ERICH3: variants seen among roughly 807,000 people sequenced by gnomAD.
ERICH3 encodes glutamate rich 3, also known as glutamate-rich protein 3.
In ERICH3, 126 loss-of-function variants were observed where a neutral mutation model predicts 131.1. The observed-to-expected ratio is 0.96, with a 90% CI of 0.83 to 1.11. The LOEUF (loss-of-function observed/expected upper bound fraction) is 1.11. ERICH3 is among the 50% of genes most tolerant of loss of function. The pLI, the probability that ERICH3 is intolerant of heterozygous loss-of-function variation, is 0.00. For synonymous variants in ERICH3, 695 were observed against 644.6 expected (o/e 1.08, Z -1.18); for missense variants, 2,050 against 1,810.7 (o/e 1.13, Z -2.40).
At position 74,606,685 on chromosome 1, in the gene ERICH3, C is replaced by A. The variant is rs1317412666; in HGVS notation, c.1405G>T (p.Val469Leu). ...QEIKTGLKEV[V>L]TAVEEMTSKG... ...CTTGTCATTTCCTCCACAGCAGTTA[C>A]CACTTCTTTGAGCCCTGTTTTTATT... The change falls in exon 10 of 15, where the codon GTA (valine) becomes TTA (leucine). Residue 469 changes from valine to leucine, a missense_variant. Transcript: ENST00000326665. 2 of 1,612,762 alleles carry A rather than the reference C, an allele frequency of 1.2e-6. No homozygotes were observed. The highest frequency in any genetic ancestry group is 2.7e-5 in the African/African-American group (2 of 74,800).
intron 1 of ERICH3, among the ~76,000 whole-genome samples, chr1:74,652,779 T>C (rs572574563): frequency 6.6e-6 from 1 of 152,240 alleles, no homozygotes; most frequent in South Asian, 2.1e-4. Flanking sequence ...GCAGGCTATG[T>C]TGTCATGCCA....
At chr1:74,621,958 A>C (rs571273673) in intron 7 of ERICH3, 1 of 152,312 alleles carries the variant, frequency 6.6e-6, no homozygotes, top group Non-Finnish European at 1.5e-5. Context: ...ATCAATTTTA[A>C]GCTAGACAAA....
intron 10 of ERICH3, among the ~76,000 whole-genome samples, chr1:74,601,889 G>A (rs754749332): frequency 2.4e-4 from 37 of 151,798 alleles, no homozygotes; most frequent in Admixed American, 6.6e-4. Flanking sequence ...GTAATACAAC[G>A]CTATGGTGAG....
intron 12 of ERICH3, among the ~76,000 whole-genome samples, chr1:74,585,539 A>G (rs2100553796): frequency 6.6e-6 from 1 of 152,296 alleles, no homozygotes; most frequent in African/African-American, 2.4e-5. Context: ...AAATTAAATC[A>G]TGTTAGCTTA....
At chr1:74,637,618 A>C (rs1006114057) in intron 5 of ERICH3, among the ~76,000 whole-genome samples, 1 of 152,282 alleles carries the variant, frequency 6.6e-6, no homozygotes, top group African/African-American at 2.4e-5. Flanking sequence ...TTGTTAGTTT[A>C]GTATAAAGAT....
At chr1:74,621,994 G>A (rs940909820) in intron 7 of ERICH3, 1 of 152,136 alleles carries the variant, frequency 6.6e-6, no homozygotes, top group Non-Finnish European at 1.5e-5. Context: ...AACTTTAAGT[G>A]GATCCAAGGC....
At chr1:74,579,137 C>T (rs1316619004) in intron 12 of ERICH3, among the ~76,000 whole-genome samples, 6 of 152,010 alleles carry the variant, frequency 3.9e-5, no homozygotes, top group Admixed American at 1.3e-4. Flanking sequence ...AGTTAAATAT[C>T]ATTTTACTAT....
At chr1:74,644,127 T>A (rs1646460261) in intron 3 of ERICH3, among the ~76,000 whole-genome samples, 1 of 151,962 alleles carries the variant, frequency 6.6e-6, no homozygotes, top group African/African-American at 2.4e-5. Context: ...TTTGAAAAAA[T>A]GTTTCCCCTC....
intron 6 of ERICH3, chr1:74,634,783 T>C (rs750571519): frequency 8.4e-5 from 54 of 644,764 alleles, no homozygotes; most frequent in Non-Finnish European, 1.5e-4. Context: ...ATACAGAGGA[T>C]TTTAGCCAAA....
chr1:74,597,894 T>C (rs1428743009), intron 11 of ERICH3, among the ~76,000 whole-genome samples: 1 of 151,956 alleles, frequency 6.6e-6, no homozygotes, highest in Non-Finnish European at 1.5e-5. Flanking sequence ...ATCAGACATT[T>C]TGTCTCATCT....
intron 6 of ERICH3, among the ~76,000 whole-genome samples, chr1:74,632,885 A>T (rs979381604): frequency 4.6e-5 from 7 of 151,920 alleles, no homozygotes; most frequent in African/African-American, 1.7e-4. Context: ...TTTAATCATT[A>T]AAAAACACCA....
At chr1:74,669,265 C>A (rs1646719790) in intron 1 of ERICH3, among the ~76,000 whole-genome samples, 1 of 151,882 alleles carries the variant, frequency 6.6e-6, no homozygotes. Context: ...ACAAAAAATG[C>A]TTCTAAACCT....
intron 1 of ERICH3, among the ~76,000 whole-genome samples, chr1:74,657,392 C>T (rs1488334918): frequency 1.3e-5 from 2 of 152,048 alleles, no homozygotes; most frequent in African/African-American, 2.4e-5. Flanking sequence ...ATTTTATATT[C>T]CTATATAAGA....
chr1:74,579,913 C>CTT (rs35520626), intron 12 of ERICH3: 224 of 804,790 alleles, frequency 2.8e-4, no homozygotes, highest in South Asian at 1.6e-3. Context: ...AGAAAGTCAG[C>CTT]TTTTTTTTTT....
At chr1:74,595,233 T>A (rs1428298985) in intron 11 of ERICH3, among the ~76,000 whole-genome samples, 1 of 152,138 alleles carries the variant, frequency 6.6e-6, no homozygotes, top group Admixed American at 6.6e-5. Context: ...TCAATCAATA[T>A]CTTCATGTAC....
At chr1:74,602,590 G>A (rs979635954) in intron 10 of ERICH3, among the ~76,000 whole-genome samples, 2 of 151,832 alleles carry the variant, frequency 1.3e-5, no homozygotes, top group African/African-American at 2.4e-5. Context: ...CTATTATGCA[G>A]AGAGCTAAAC....
intron 1 of ERICH3, among the ~76,000 whole-genome samples, chr1:74,658,729 A>C (rs1646610715): frequency 6.6e-6 from 1 of 152,084 alleles, no homozygotes; most frequent in Non-Finnish European, 1.5e-5. Context: ...CATTTTTGAG[A>C]TCATCTTACC....
chr1:74,623,983 C>A (rs1283629470), intron 7 of ERICH3: 3 of 152,140 alleles, frequency 2.0e-5, no homozygotes, highest in Non-Finnish European at 4.4e-5. Context: ...CTTGTATTAT[C>A]TCTCTCTCAG....
At chr1:74,621,591 G>A (rs1282117856) in intron 7 of ERICH3, 4 of 152,078 alleles carry the variant, frequency 2.6e-5, no homozygotes, top group Non-Finnish European at 5.9e-5. Context: ...ACAATCTACC[G>A]ATCAAAGTCT....
Sources: allele counts gnomAD v4.1 joint callset (sites outside exome capture counted in the v4.1 genomes callset), GRCh38; gene constraint gnomAD v4.1.1; transcripts MANE v1.5; gene names NCBI Gene and HGNC (gene_info 2026-07-23, HGNC 2026-07-21).